The following SIM2 variants were observed in gnomAD, a reference collection of about 807,000 sequenced individuals.
The protein encoded by SIM2 is SIM bHLH transcription factor 2.
SIM2 carries 28 observed loss-of-function variants against 64.8 expected under a neutral mutation model. The observed-to-expected ratio is 0.43, with a 90% CI of 0.32 to 0.59. The LOEUF is 0.59. SIM2 is among the 20% of genes least tolerant of loss of function. The pLI is 0.07. For synonymous variants in SIM2, 408 were observed against 391.1 expected, an observed-to-expected ratio of 1.04 and a Z score of -0.51; for missense variants, 847 against 871.4, an observed-to-expected ratio of 0.97 and a Z score of 0.35.
At chr21:36,736,838 TC>T (rs2089061205) in intron 7 of SIM2, among the ~76,000 whole-genome samples, 2 of 101,852 alleles carry the variant, frequency 2.0e-5, no homozygotes, top group South Asian at 3.6e-4. Flanking sequence ...CTTCTTTCTT[TC>T]TCTTTCTTTT....
At chr21:36,708,694 C>T (rs1048826637) in intron 1 of SIM2, among the ~76,000 whole-genome samples, 1 of 152,106 alleles carries the variant, frequency 6.6e-6, no homozygotes, top group African/African-American at 2.4e-5. Context: ...TCTGTCTCAG[C>T]CTGTCTGCCT....
intron 9 of SIM2, among the ~76,000 whole-genome samples, chr21:36,743,882 A>G (rs1296990060): frequency 6.6e-6 from 1 of 152,268 alleles, no homozygotes; most frequent in African/African-American, 2.4e-5. Flanking sequence ...ATACCAGTCC[A>G]TTGTATTTCT....
intron 1 of SIM2, among the ~76,000 whole-genome samples, chr21:36,702,961 G>T (rs1261842140): frequency 7.0e-6 from 1 of 142,392 alleles, no homozygotes; most frequent in Non-Finnish European, 1.5e-5. Flanking sequence ...AAAAAGAATA[G>T]CATAGTCCTA....
intron 7 of SIM2, among the ~76,000 whole-genome samples, chr21:36,741,079 A>G (rs1460076796): frequency 6.6e-6 from 1 of 152,212 alleles, no homozygotes; most frequent in Non-Finnish European, 1.5e-5. Flanking sequence ...GCACCCAAGC[A>G]TAGAAGACAG....
chr21:36,742,134 T>G (rs1161361576), intron 8 of SIM2, among the ~76,000 whole-genome samples: 1 of 152,022 alleles, frequency 6.6e-6, no homozygotes, highest in Non-Finnish European at 1.5e-5. Flanking sequence ...TCGGATCCCA[T>G]CACAGAACCT....
intron 4 of SIM2, among the ~76,000 whole-genome samples, 162 bp from the exon 5 acceptor site, chr21:36,722,883 C>T (rs1013405286): frequency 2.0e-5 from 3 of 152,110 alleles, no homozygotes; most frequent in Non-Finnish European, 4.4e-5. Flanking sequence ...ACTGCCCCAC[C>T]CAGATCTCAG....
At position 36,709,220 on chromosome 21, in the gene SIM2, C is replaced by A. The variant is rs1321403254; in HGVS notation, c.228C>A (p.Val76=). Residue 76 remains valine (V), a synonymous_variant, in exon 2 of 11, where the codon GTC becomes GTA. Coordinates refer to ENST00000290399, the MANE Select transcript of SIM2 (RefSeq NM_005069.6). ...GCCGCGCCGGGCCCCTGGACGGCGT[C>A]GCCAAGGAGCTGGGATCGCACTTGC... ...QPSRAGPLDG[V]AKELGSHLLQ... 2 of 1,609,764 alleles carry A rather than the reference C, an allele frequency of 1.2e-6. No individual in the cohort carries two copies. Among genetic ancestry groups the A allele is most frequent in the South Asian group, 1.1e-5 (1 of 90,382 alleles).
chr21:36,705,213 G>A (rs1019449341), intron 1 of SIM2, among the ~76,000 whole-genome samples: 1 of 152,226 alleles, frequency 6.6e-6, no homozygotes, highest in East Asian at 1.9e-4. Context: ...GGCTGCCCGC[G>A]CAGAAAGCTC....
rs1355991894 is a variant in SIM2 at position 36,745,863 on chromosome 21, T to A, written c.1576+727T>A. The A allele has an allele frequency of 1.3e-5, 17 of 1,303,044 alleles. No homozygotes were observed. Among genetic ancestry groups the A allele is most frequent in the Non-Finnish European group, 1.7e-5 (17 of 988,204 alleles). The allele number at this position is 1,303,044 out of a possible 1,614,324, so 80.7% of individuals were successfully genotyped here. On this transcript the variant is annotated intron_variant, in intron 10 of 10. Transcript: ENST00000290399. This position sits in a 1 kb window ranked among gnomAD's most constrained non-coding sequence, Gnocchi z 4.8. ...CGCAGACTGACTCCTGTTTGCTCGC[T>A]GGACCAACCCCAGGCAGAAGGTGGA...
intron 3 of SIM2, among the ~76,000 whole-genome samples, chr21:36,715,179 C>T (rs1317759217): frequency 1.3e-5 from 2 of 152,260 alleles, no homozygotes; most frequent in South Asian, 2.1e-4. Context: ...GTCTAGGGAG[C>T]GTTCCACGGT....
intron 7 of SIM2, among the ~76,000 whole-genome samples, chr21:36,734,638 T>A (rs994377766): frequency 1.3e-5 from 2 of 151,796 alleles, no homozygotes; most frequent in African/African-American, 4.8e-5. Context: ...TGATGGGGAG[T>A]TCTTTGGTTC....
At position 36,743,562 on chromosome 21, in the gene SIM2, C is replaced by G. The variant is rs374366409; in HGVS notation, c.1167+7C>G. 1.9e-6 allele frequency: 3 copies of G among 1,611,958 alleles called. No homozygotes were observed. The African/African-American group carries it at 4.0e-5, about 22-fold the overall frequency. On this transcript the variant is annotated splice_region_variant and intron_variant, in intron 9 of 10. Coordinates refer to ENST00000290399, the MANE Select transcript of SIM2 (RefSeq NM_005069.6). Reference sequence around the variant, plus strand: ...AAACCCTTACCCCCCACAGGTAACACGCATGTCCTGCAGTTTTGGGGTGCT... The same window carrying G: ...AAACCCTTACCCCCCACAGGTAACAGGCATGTCCTGCAGTTTTGGGGTGCT...
chr21:36,700,216 T>C (rs1168750097), intron 1 of SIM2, among the ~76,000 whole-genome samples: 1 of 152,222 alleles, frequency 6.6e-6, no homozygotes, highest in East Asian at 1.9e-4. Flanking sequence ...GAGTTCTTTC[T>C]GGTTTTGTTC....
At chr21:36,714,131 C>G (rs2088713003) in intron 3 of SIM2, among the ~76,000 whole-genome samples, 1 of 152,222 alleles carries the variant, frequency 6.6e-6, no homozygotes, top group Non-Finnish European at 1.5e-5. Flanking sequence ...TTATTATTCT[C>G]TGAATTTTTA....
At chr21:36,700,037 G>T in intron 1 of SIM2, 116 bp downstream of exon 1, 2 of 1,093,652 alleles carry the variant, frequency 1.8e-6, no homozygotes, top group South Asian at 1.6e-5. Context: ...CCAGAGCTGG[G>T]GCGTCTGAGG....
Position 36,709,205 on chromosome 21 carries a change from G to C in SIM2, c.213G>C (p.Gly71=). 4.3e-6 allele frequency: 7 copies of C among 1,610,668 alleles called. No homozygotes were observed. Among genetic ancestry groups the C allele is most frequent in the Non-Finnish European group, 5.9e-6 (7 of 1,178,910 alleles). ...GDAWGQPSRA[G]PLDGVAKELG... is the part of the protein sequence containing the mutation. ...CGTGGGGACAGCCGAGCCGCGCCGG[G>C]CCCCTGGACGGCGTCGCCAAGGAGC... is the stretch of plus-strand genomic sequence containing the variant. Residue 71 remains glycine (G), a synonymous_variant, in exon 2 of 11, where the codon GGG becomes GGC. Coordinates refer to ENST00000290399, the MANE Select transcript of SIM2 (RefSeq NM_005069.6).
chr21:36,738,983 G>T (rs118169112), intron 7 of SIM2, among the ~76,000 whole-genome samples: 2,814 of 152,326 alleles, frequency 0.018, 41 homozygotes, highest in Non-Finnish European at 0.027. Context: ...CATCCTGACG[G>T]GGTGGTGGGG....
intron 7 of SIM2, among the ~76,000 whole-genome samples, chr21:36,741,332 C>G (rs1459984991): frequency 1.3e-5 from 2 of 152,210 alleles, no homozygotes; most frequent in Non-Finnish European, 2.9e-5. Flanking sequence ...ACTCACCCCC[C>G]CTCCCCATTA....
chr21:36,714,848 C>G (rs968509395), intron 3 of SIM2, among the ~76,000 whole-genome samples: 10 of 152,212 alleles, frequency 6.6e-5, no homozygotes, highest in Admixed American at 6.5e-4. Context: ...GCCTCCGGTT[C>G]GTGATCGGCT....
Sources: allele counts gnomAD v4.1 joint callset (sites outside exome capture counted in the v4.1 genomes callset), GRCh38; gene constraint gnomAD v4.1.1; non-coding constraint Gnocchi (gnomAD v3.1); transcripts MANE v1.5; gene names NCBI Gene and HGNC (gene_info 2026-07-23, HGNC 2026-07-21).